Variants in TASP1 observed in about 807,000 individuals in gnomAD.
The protein encoded by TASP1 is threonine aspartase 1.
Under a neutral mutation model 56.6 loss-of-function variants are expected in TASP1, and 16 were observed. That is an observed-to-expected ratio of 0.28 (90% CI 0.19 to 0.43). TASP1 has a LOEUF of 0.43. Among genes scored for constraint, TASP1 ranks in the 20% least tolerant of loss-of-function variants. TASP1 has a pLI of 1.00. For synonymous variants in TASP1, 179 were observed against 184.2 expected, an observed-to-expected ratio of 0.97 and a Z score of 0.23; for missense variants, 393 against 511.6, an observed-to-expected ratio of 0.77 and a Z score of 2.24.
chr20:13,342,233 G>T, the TASP1 span, among the ~76,000 whole-genome samples: 1 of 152,190 alleles, frequency 6.6e-6, no homozygotes, highest in Non-Finnish European at 1.5e-5. Flanking sequence ...CAAAAAGCCA[G>T]ACAGAGTTTG....
chr20:13,123,522 C>T, the TASP1 span, among the ~76,000 whole-genome samples: 8 of 152,122 alleles, frequency 5.3e-5, no homozygotes, highest in Non-Finnish European at 8.8e-5. Flanking sequence ...CATGGTCACA[C>T]GGCAGTAAGT....
At chr20:13,184,574 C>A in the TASP1 span, among the ~76,000 whole-genome samples, 286 of 152,220 alleles carry the variant, frequency 1.9e-3, 1 homozygote, top group African/African-American at 6.6e-3. Flanking sequence ...TTATTTCTGC[C>A]ACTGTGGTAT....
At chr20:13,390,530 A>T in intron 13 of TASP1, 78 bp from the exon 14 acceptor site, 1 of 1,309,802 alleles carries the variant, frequency 7.6e-7, no homozygotes, top group South Asian at 1.2e-5. Flanking sequence ...TGTCCAAAAA[A>T]GGTGGAGGAA....
chr20:13,426,571 A>G (rs1446109674), intron 12 of TASP1, among the ~76,000 whole-genome samples: 2 of 152,202 alleles, frequency 1.3e-5, no homozygotes, highest in African/African-American at 2.4e-5. Flanking sequence ...GATTTAAAGG[A>G]AAGAAAGTCC....
rs1230253326 is a variant in TASP1 at position 13,496,250 on chromosome 20, T to C, written c.875-12913A>G. 3.3e-5 allele frequency among the ~76,000 whole-genome samples: 5 copies of C among 152,252 alleles called. No homozygotes were observed. The East Asian group carries it at 9.6e-4, about 29-fold the overall frequency. On this transcript the variant is annotated intron_variant, in intron 10 of 13. Coordinates refer to ENST00000337743, the MANE Select transcript of TASP1 (RefSeq NM_017714.3). ...TGTATTTTTTAGTAGAGACAGGGTTTTGCCATGTTGGCCAGGCTGGTCTCA... is the reference window on the plus strand; with the variant it reads ...TGTATTTTTTAGTAGAGACAGGGTTCTGCCATGTTGGCCAGGCTGGTCTCA...
At chr20:13,481,297 T>C (rs931032472) in intron 11 of TASP1, among the ~76,000 whole-genome samples, 4 of 152,170 alleles carry the variant, frequency 2.6e-5, no homozygotes, top group African/African-American at 9.6e-5. Context: ...TGTGTATATG[T>C]GCCACGTTTT....
intron 8 of TASP1, among the ~76,000 whole-genome samples, chr20:13,542,968 G>A (rs1568563810): frequency 1.3e-5 from 2 of 151,934 alleles, no homozygotes; most frequent in Admixed American, 1.3e-4. Context: ...AAGAAAAAAT[G>A]AAAAATCAAT....
At chr20:13,367,692 A>G in the TASP1 span, among the ~76,000 whole-genome samples, 1 of 152,208 alleles carries the variant, frequency 6.6e-6, no homozygotes, top group Non-Finnish European at 1.5e-5. Flanking sequence ...TTATTTGTTC[A>G]TATTGCTAAA....
chr20:13,393,354 C>T (rs1446586013), intron 13 of TASP1: 2 of 747,960 alleles, frequency 2.7e-6, no homozygotes, highest in African/African-American at 1.7e-5. Flanking sequence ...GAACAGGAAG[C>T]TCAATGGCAT....
At chr20:13,172,744 C>G in the TASP1 span, among the ~76,000 whole-genome samples, 1 of 152,156 alleles carries the variant, frequency 6.6e-6, no homozygotes, top group African/African-American at 2.4e-5. Context: ...ATGAAAGATT[C>G]AGAAAGTTTA....
chr20:13,187,806 AGAAGAACAAG>A, the TASP1 span, among the ~76,000 whole-genome samples: 1 of 151,992 alleles, frequency 6.6e-6, no homozygotes, highest in Non-Finnish European at 1.5e-5. Flanking sequence ...CCTTACCTAA[AGAAGAACAAG>A]GATAAGGATT....
At chr20:13,619,139 C>T (rs1357942143) in intron 4 of TASP1, among the ~76,000 whole-genome samples, 2 of 152,080 alleles carry the variant, frequency 1.3e-5, no homozygotes, top group African/African-American at 4.8e-5. Flanking sequence ...TCCCAAAGAT[C>T]CGTCCACTTC....
chr20:13,122,758 C>T, the TASP1 span, among the ~76,000 whole-genome samples: 6 of 152,192 alleles, frequency 3.9e-5, no homozygotes, highest in Non-Finnish European at 5.9e-5. Flanking sequence ...GGTCATTCAA[C>T]CTGTCATCAA....
chr20:13,134,320 C>T, the TASP1 span, among the ~76,000 whole-genome samples: 1 of 152,220 alleles, frequency 6.6e-6, no homozygotes, highest in African/African-American at 2.4e-5. Context: ...AGTAAATAAA[C>T]TTGCTCATCA....
intron 1 of TASP1, among the ~76,000 whole-genome samples, chr20:13,632,497 T>C (rs2049135156): frequency 6.6e-6 from 1 of 152,206 alleles, no homozygotes; most frequent in South Asian, 2.1e-4. Flanking sequence ...GCATTGCTTC[T>C]CAACGTTGTC....
chr20:13,288,442 C>A, the TASP1 span: 1 of 1,298,936 alleles, frequency 7.7e-7, no homozygotes, highest in Non-Finnish European at 1.1e-6. Flanking sequence ...CCTCCCACAG[C>A]GAGAAGGATA....
At chr20:13,357,728 C>A in the TASP1 span, among the ~76,000 whole-genome samples, 1 of 152,148 alleles carries the variant, frequency 6.6e-6, no homozygotes, top group Non-Finnish European at 1.5e-5. Context: ...ATCTTAATAG[C>A]CCCAATCTGA....
chr20:13,309,177 C>T, the TASP1 span, among the ~76,000 whole-genome samples: 41 of 152,102 alleles, frequency 2.7e-4, no homozygotes, highest in South Asian at 8.3e-3. Flanking sequence ...AAATACTAAA[C>T]TATGCATGGG....
chr20:13,113,871 T>C, the TASP1 span, among the ~76,000 whole-genome samples: 1 of 152,202 alleles, frequency 6.6e-6, no homozygotes, highest in Non-Finnish European at 1.5e-5. Flanking sequence ...AAGTGGCTGT[T>C]AGAGAAAGAA....
Sources: allele counts gnomAD v4.1 joint callset (sites outside exome capture counted in the v4.1 genomes callset), GRCh38; gene constraint gnomAD v4.1.1; transcripts MANE v1.5; gene names NCBI Gene and HGNC (gene_info 2026-07-23, HGNC 2026-07-21).